Variants in YEATS2 observed in about 807,000 individuals in gnomAD.
The protein encoded by YEATS2 is YEATS domain-containing protein 2.
A neutral mutation model predicts 163.2 loss-of-function variants in YEATS2; 77 were observed. That is an observed-to-expected ratio of 0.47 (90% CI 0.39 to 0.57). YEATS2 has a LOEUF of 0.57. Among genes scored for constraint, YEATS2 ranks in the 20% least tolerant of loss-of-function variants. The probability of loss-of-function intolerance (pLI) is 0.00; values close to 1 mark genes in which losing one functional copy is unlikely to be tolerated. For synonymous variants in YEATS2, 631 were observed against 645.1 expected, an observed-to-expected ratio of 0.98 and a Z score of 0.33; for missense variants, 1,549 against 1,729.8, an observed-to-expected ratio of 0.90 and a Z score of 1.85.
In YEATS2 at chr3:183,800,499, G is replaced by C; in HGVS notation, c.3359G>C (p.Cys1120Ser). ...GAACCAGAAACACCTGGACCGAGTT[G>C]CCTCTCTCAGGAGGGTCAGACAGCA... Reference protein sequence around the residue: ...KTEPETPGPSCLSQEGQTAVK... With the variant: ...KTEPETPGPSSLSQEGQTAVK... The change falls in exon 24 of 31, where the codon TGC (cysteine) becomes TCC (serine). Residue 1120 changes from cysteine (C) to serine (S), a missense_variant. Physicochemically the swap from Cys to Ser is moderately radical, Grantham distance 112 (BLOSUM62 -1). Coordinates refer to ENST00000305135, the MANE Select transcript of YEATS2 (RefSeq NM_018023.5). The C allele has an allele frequency of 6.2e-7, 1 of 1,614,160 alleles. No homozygotes were observed. The highest frequency in any genetic ancestry group is 8.5e-7 in the Non-Finnish European group (1 of 1,180,020).
intron 9 of YEATS2, among the ~76,000 whole-genome samples, chr3:183,748,459 T>TAA (rs1166326800): frequency 6.6e-6 from 1 of 151,462 alleles, no homozygotes; most frequent in African/African-American, 2.4e-5. Flanking sequence ...ACTATGTTGG[T>TAA]CAGGCTGCTC....
At chr3:183,791,294 CAA>C in intron 21 of YEATS2, among the ~76,000 whole-genome samples, 1 of 152,320 alleles carries the variant, frequency 6.6e-6, no homozygotes, top group East Asian at 1.9e-4. Flanking sequence ...CTCAGCCTCC[CAA>C]AGTGCTGGGA....
chr3:183,727,478 C>G (rs1717239188), intron 6 of YEATS2, among the ~76,000 whole-genome samples: 1 of 152,112 alleles, frequency 6.6e-6, no homozygotes, highest in Non-Finnish European at 1.5e-5. Context: ...GTAGGTATTC[C>G]TGTTAAAATC....
rs533868053 is a variant in YEATS2 at position 183,808,453 on chromosome 3, C to T, written c.4086+349C>T. ...AACTGTCCTGACCCTGGCAAGGGGA[C>T]GAAAATGCCGCAGCCTCCTTCCCCA... On this transcript the variant is annotated intron_variant, in intron 29 of 30. Coordinates refer to ENST00000305135, the MANE Select transcript of YEATS2 (RefSeq NM_018023.5). Among the ~76,000 whole-genome samples the T allele has an allele frequency of 1.9e-4, 29 of 152,240 alleles. No individual in the cohort carries two copies. In the South Asian group the frequency reaches 2.1e-3, roughly 11 times the overall value.
rs549969500 is a variant in YEATS2, at chr3:183,803,851, C to T, written c.3583-136C>T. The T allele has an allele frequency of 4.7e-6, 4 of 855,950 alleles. No homozygotes were observed. In the African/African-American group the frequency reaches 5.2e-5, roughly 11 times the overall value. 53.0% of individuals were successfully genotyped at this position (855,950 alleles called of 1,614,324 possible). A position where few individuals can be genotyped will look rare whatever the true frequency, so the allele number is the denominator to read the frequency against. On this transcript the variant is annotated intron_variant, in intron 26 of 30. Transcript: ENST00000305135. ...GACTTTTTTTTTTAATGGGGAGTAA[C>T]ACAACCAGGTTTTTTTCTTTAAAAA...
At chr3:183,798,828 G>C in intron 22 of YEATS2, 63 bp from the exon 23 acceptor site, 1 of 1,303,726 alleles carries the variant, frequency 7.7e-7, no homozygotes, top group Non-Finnish European at 1.1e-6. Flanking sequence ...CCTGGAAGTA[G>C]ATCACCCTCA....
At chr3:183,793,609 C>CTTTTTTTTTTTTTTT (rs35098553) in intron 21 of YEATS2, 2 of 109,378 alleles carry the variant, frequency 1.8e-5, no homozygotes, top group South Asian at 3.2e-4. Flanking sequence ...TTCTTTCTTT[C>CTTTTTTTTTTTTTTT]TTTTTTTTTT....
intron 1 of YEATS2, among the ~76,000 whole-genome samples, chr3:183,703,031 T>G (rs569547574): frequency 1.3e-5 from 2 of 152,262 alleles, no homozygotes; most frequent in African/African-American, 4.8e-5. Flanking sequence ...TGTGTAGTCT[T>G]AAAGCCGTTT....
At chr3:183,802,212 C>G (rs748152755) in intron 25 of YEATS2, 14 of 152,624 alleles carry the variant, frequency 9.2e-5, no homozygotes, top group Admixed American at 2.6e-4. Context: ...GGCCAGCAGC[C>G]TACGGACACA....
intron 11 of YEATS2, among the ~76,000 whole-genome samples, chr3:183,755,823 G>A (rs1237688477): frequency 2.3e-5 from 3 of 132,014 alleles, no homozygotes; most frequent in Non-Finnish European, 3.1e-5. Flanking sequence ...GCACGATCTC[G>A]GCTCACTCCG....
At chr3:183,740,541 A>G (rs1015002389) in intron 8 of YEATS2, among the ~76,000 whole-genome samples, 1 of 152,276 alleles carries the variant, frequency 6.6e-6, no homozygotes, top group Non-Finnish European at 1.5e-5. Flanking sequence ...AGATCATACC[A>G]GCCATAACAT....
chr3:183,805,802 G>A (rs1280976293), intron 27 of YEATS2, among the ~76,000 whole-genome samples: 1 of 151,854 alleles, frequency 6.6e-6, no homozygotes, highest in Non-Finnish European at 1.5e-5. Flanking sequence ...AAAAAAGGGG[G>A]GGCAAGTCCC....
At chr3:183,784,652 C>T (rs548382132) in intron 19 of YEATS2, among the ~76,000 whole-genome samples, 1 of 152,086 alleles carries the variant, frequency 6.6e-6, no homozygotes, top group South Asian at 2.1e-4. Flanking sequence ...GTTGATGCTT[C>T]CTGTTTTTTG....
In YEATS2 at chr3:183,801,476, C is replaced by T. The variant is rs755931595; in HGVS notation, c.3450C>T (p.Ile1150=). 6.2e-7 allele frequency: 1 copy of T among 1,610,102 alleles called. No homozygotes were observed. Among genetic ancestry groups the T allele is most frequent in the African/African-American group, 1.3e-5 (1 of 74,808 alleles). The change falls in exon 25 of 31, where the codon ATC becomes ATT. Residue 1150 remains isoleucine (I), a synonymous_variant. Coordinates refer to ENST00000305135, the MANE Select transcript of YEATS2 (RefSeq NM_018023.5). ...YVIKIDHLET[I]QQLLTAVVKK... ...TCAGGATAGACCATTTAGAAACTAT[C>T]CAGCAACTCCTAACTGCAGTAGTAA...
intron 14 of YEATS2, 43 bp from the exon 15 acceptor site, chr3:183,762,054 A>G (rs767396558): frequency 6.2e-7 from 1 of 1,611,918 alleles, no homozygotes; most frequent in Non-Finnish European, 8.5e-7. Context: ...ATAAAATGGG[A>G]TGTTTATGGA....
chr3:183,766,185 C>T (rs1458101910), intron 15 of YEATS2, among the ~76,000 whole-genome samples: 1 of 152,190 alleles, frequency 6.6e-6, no homozygotes, highest in East Asian at 1.9e-4. Flanking sequence ...TTGCAAATCT[C>T]AGATCTCAGC....
intron 6 of YEATS2, among the ~76,000 whole-genome samples, chr3:183,726,310 G>A (rs190314787): frequency 2.6e-3 from 392 of 152,230 alleles, no homozygotes; most frequent in Non-Finnish European, 4.4e-3. Context: ...GGGCCTTAGC[G>A]AATTCCTAAA....
intron 21 of YEATS2, among the ~76,000 whole-genome samples, chr3:183,796,383 A>G (rs1458374007): frequency 6.6e-6 from 1 of 151,376 alleles, no homozygotes; most frequent in Non-Finnish European, 1.5e-5. Context: ...TTGATTTTTT[A>G]AATGGCCCTC....
At chr3:183,755,303 G>A (rs1190724138) in intron 11 of YEATS2, among the ~76,000 whole-genome samples, 5 of 152,258 alleles carry the variant, frequency 3.3e-5, no homozygotes, top group South Asian at 2.1e-4. Flanking sequence ...TTTTAGTAGA[G>A]ACGGAGTTTC....
Sources: gnomAD v4.1 joint callset for allele counts (sites outside exome capture counted in the v4.1 genomes callset) on GRCh38, gnomAD v4.1.1 for gene constraint, MANE v1.5 for transcripts, NCBI Gene and HGNC (gene_info 2026-07-23, HGNC 2026-07-21) for gene names.